SFMBT1: variants seen among roughly 807,000 people sequenced by gnomAD.
SFMBT1 encodes the protein Scm like with four mbt domains 1.
In SFMBT1, 32 loss-of-function variants were observed where a neutral mutation model predicts 108.7. The ratio of observed to expected loss-of-function variants is 0.29; its 90% CI spans 0.22 to 0.40. The LOEUF (loss-of-function observed/expected upper bound fraction) is 0.40, where lower values mean the gene tolerates loss of function less well. SFMBT1 is among the 10% of genes least tolerant of loss of function. The probability of loss-of-function intolerance (pLI) is 1.00; values close to 1 mark genes in which losing one functional copy is unlikely to be tolerated. For synonymous variants in SFMBT1, 348 were observed against 369.5 expected (o/e 0.94, Z 0.67); for missense variants, 816 against 1,059.6 (o/e 0.77, Z 3.19).
chr3:52,913,361 G>T, intron 15 of SFMBT1, 117 bp downstream of exon 15: 1 of 1,279,416 alleles, frequency 7.8e-7, no homozygotes. Context: ...AGAAAAGTTA[G>T]TAACTTTTGA....
In SFMBT1 at chr3:52,918,519, T is replaced by C. The variant is rs1490550688; in HGVS notation, c.1380A>G (p.Lys460=). The change falls in exon 13 of 21, where the codon AAA becomes AAG. Residue 460 remains lysine, a synonymous_variant. Transcript: ENST00000394752. ...LSTPRRARVY[K]QRKIAVVQPE... ...GCTGAACCACTGCAATTTTCCTCTG[T>C]TTATATACTGTAGAAAGAAAAAAAT... 1.9e-6 allele frequency: 3 copies of C among 1,551,828 alleles called. No individual in the cohort carries two copies. The South Asian group carries it at 3.7e-5, about 19-fold the overall frequency.
At chr3:52,992,148 C>A (rs551992395) in intron 1 of SFMBT1, among the ~76,000 whole-genome samples, 2 of 152,346 alleles carry the variant, frequency 1.3e-5, no homozygotes, top group African/African-American at 4.8e-5. Flanking sequence ...CAGAATGAGT[C>A]TGTGTTCATT....
At chr3:52,962,829 A>G in intron 2 of SFMBT1, among the ~76,000 whole-genome samples, 3 of 135,866 alleles carry the variant, frequency 2.2e-5, no homozygotes, top group Non-Finnish European at 1.6e-5. Flanking sequence ...AAAAAAGGAG[A>G]GGGAGATGTG....
At chr3:52,911,291 T>A in intron 16 of SFMBT1, 113 bp from the exon 17 acceptor site, 1 of 1,048,522 alleles carries the variant, frequency 9.5e-7, no homozygotes, top group Non-Finnish European at 1.3e-6. Flanking sequence ...ATATTCTATG[T>A]CCTTTATAGT....
At chr3:53,034,204 T>C (rs886764780) in intron 1 of SFMBT1, among the ~76,000 whole-genome samples, 1 of 152,242 alleles carries the variant, frequency 6.6e-6, no homozygotes, top group Non-Finnish European at 1.5e-5. Flanking sequence ...GTTAGATTTA[T>C]TACTTGCATT....
At chr3:52,998,481 C>CCAGAAAGTAAAGGCA (rs1342559739) in intron 1 of SFMBT1, among the ~76,000 whole-genome samples, 7 of 150,494 alleles carry the variant, frequency 4.7e-5, no homozygotes, top group Non-Finnish European at 7.5e-5. Context: ...CAGCTTCAAG[C>CCAGAAAGTAAAGGCA]TGAGGACCAC....
chr3:53,028,072 G>GTCTAC (rs1158343225), intron 1 of SFMBT1, among the ~76,000 whole-genome samples: 2 of 152,160 alleles, frequency 1.3e-5, no homozygotes, highest in Non-Finnish European at 2.9e-5. Context: ...GCCTGCTGAC[G>GTCTAC]TCTACGGTTG....
At position 53,038,095 on chromosome 3, in the gene SFMBT1, A is replaced by T. The variant is rs530098281; in HGVS notation, c.-131+7721T>A. Among the ~76,000 whole-genome samples the T allele has an allele frequency of 4.7e-4, 71 of 151,298 alleles. 2 individuals carry two copies. In the South Asian group the frequency reaches 0.015, roughly 32 times the overall value. On this transcript the variant is annotated intron_variant, in intron 1 of 20. Coordinates refer to ENST00000394752, the MANE Select transcript of SFMBT1 (RefSeq NM_016329.4). ...CTCCAGCCTGGGCAACAAGAGCAAA[A>T]CTTTGTCTCAAAAAAAAAATGTTTT...
At chr3:53,039,820 T>C (rs893026864) in intron 1 of SFMBT1, among the ~76,000 whole-genome samples, 2 of 152,174 alleles carry the variant, frequency 1.3e-5, no homozygotes, top group African/African-American at 4.8e-5. Context: ...TACTTTTTTT[T>C]TATTTGATTT....
intron 1 of SFMBT1, among the ~76,000 whole-genome samples, chr3:52,973,952 C>T (rs138202412): frequency 6.6e-6 from 1 of 152,260 alleles, no homozygotes; most frequent in Admixed American, 6.6e-5. Context: ...ATGTTAATGC[C>T]CTTTCTTTTC....
At position 52,913,716 on chromosome 3, in the gene SFMBT1, T is replaced by C. The variant is rs1334416162; in HGVS notation, c.1481-99A>G. 3 of 1,251,106 alleles carry C rather than the reference T, an allele frequency of 2.4e-6. No homozygotes were observed. In the East Asian group the frequency reaches 7.4e-5, roughly 31 times the overall value. 77.5% of individuals were successfully genotyped at this position (1,251,106 alleles called of 1,614,324 possible). A position where few individuals can be genotyped will look rare whatever the true frequency, so the allele number is the denominator to read the frequency against. ...GAAGAAAAACGAAGCACATGTACCA[T>C]TATATTAATATAAAGTTTGGAATTA... is the stretch of plus-strand genomic sequence containing the variant. On this transcript the variant is annotated intron_variant, in intron 14 of 20. Transcript: ENST00000394752.
chr3:53,036,600 T>G (rs1487220082), intron 1 of SFMBT1, among the ~76,000 whole-genome samples: 2 of 152,246 alleles, frequency 1.3e-5, no homozygotes, highest in African/African-American at 4.8e-5. Context: ...GATGCCAGTG[T>G]GGCACCCAAC....
chr3:53,029,839 G>A (rs985539013), intron 1 of SFMBT1, among the ~76,000 whole-genome samples: 3 of 151,968 alleles, frequency 2.0e-5, no homozygotes, highest in Non-Finnish European at 4.4e-5. Context: ...GCCTCTCCAC[G>A]ACTCTCTACC....
In SFMBT1 at chr3:52,920,631, A is replaced by G; in HGVS notation, c.1278T>C (p.Pro426=). Residue 426 remains proline (P), a synonymous_variant, in exon 12 of 21, where the codon CCT becomes CCC. Coordinates refer to ENST00000394752, the MANE Select transcript of SFMBT1 (RefSeq NM_016329.4). The part of the protein sequence containing the change: ...LQLEGSKKPI[P]ECIVSVESMD... ...TGGATTCCACACTCACAATACATTC[A>G]GGTATAGGCTTCTTAGAACCTGTTT... is the stretch of plus-strand genomic sequence containing the variant. 2 of 1,611,338 alleles carry G rather than the reference A, an allele frequency of 1.2e-6. No homozygotes were observed. Among genetic ancestry groups the G allele is most frequent in the Non-Finnish European group, 1.7e-6 (2 of 1,178,526 alleles).
chr3:52,938,201 G>A (rs1001544088), intron 4 of SFMBT1, among the ~76,000 whole-genome samples: 1 of 152,166 alleles, frequency 6.6e-6, no homozygotes, highest in African/African-American at 2.4e-5. Flanking sequence ...CTCCTATACA[G>A]AGGACAAGAG....
intron 5 of SFMBT1, among the ~76,000 whole-genome samples, chr3:52,932,747 C>G (rs1702894553): frequency 6.6e-6 from 1 of 151,924 alleles, no homozygotes; most frequent in African/African-American, 2.4e-5. Flanking sequence ...CCCGTCTCTA[C>G]TAAAAATACA....
chr3:53,029,748 A>T (rs1479920853), intron 1 of SFMBT1, among the ~76,000 whole-genome samples: 2 of 152,032 alleles, frequency 1.3e-5, no homozygotes, highest in Non-Finnish European at 2.9e-5. Flanking sequence ...GTCTCCCAAG[A>T]CTCAGCTGGG....
chr3:52,957,032 ACTGT>A (rs569803129), intron 2 of SFMBT1, among the ~76,000 whole-genome samples: 60 of 152,192 alleles, frequency 3.9e-4, no homozygotes, highest in Middle Eastern at 3.4e-3. Context: ...AGGAAGTCAA[ACTGT>A]CTGTTTGCAG....
chr3:52,943,360 G>A lies in SFMBT1; in HGVS notation c.357C>T (p.Ala119=). 1.9e-6 allele frequency: 3 copies of A among 1,614,114 alleles called. No homozygotes were observed. The highest frequency in any genetic ancestry group is 2.5e-6 in the Non-Finnish European group (3 of 1,179,994). ...TAGGAAGTATTTCATTACCTTCTGG[G>A]GCTTCAAGGGTCTTCTTATTCTGCT... The part of the protein sequence containing the change: ...WCEQNKKTLE[A]PEGIRDKVSD... Residue 119 remains alanine (A), a synonymous_variant, in exon 4 of 21, where the codon GCC becomes GCT. Coordinates refer to ENST00000394752, the MANE Select transcript of SFMBT1 (RefSeq NM_016329.4).
Sources: gnomAD v4.1 joint callset for allele counts (sites outside exome capture counted in the v4.1 genomes callset) on GRCh38, gnomAD v4.1.1 for gene constraint, MANE v1.5 for transcripts, NCBI Gene and HGNC (gene_info 2026-07-23, HGNC 2026-07-21) for gene names.